Variants in GSE1 observed in about 807,000 individuals in gnomAD.
The protein encoded by GSE1 is Gse1 coiled-coil protein, also known as genetic suppressor element 1.
GSE1 carries 32 observed loss-of-function variants against 112.6 expected under a neutral mutation model. The observed-to-expected ratio is 0.28, with a 90% CI of 0.21 to 0.38. GSE1 has a LOEUF of 0.38. GSE1 is among the 10% of genes least tolerant of loss of function. GSE1 has a pLI of 1.00. For missense variants in GSE1, 2,348 were observed against 1,699.2 expected, an observed-to-expected ratio of 1.38 and a Z score of -6.71; for synonymous variants, 1,115 against 735.6, an observed-to-expected ratio of 1.52 and a Z score of -8.35.
Position 85,655,009 on chromosome 16 carries a change from C to A in GSE1, c.797+18C>A, listed in dbSNP as rs375468728. The A allele has an allele frequency of 1.3e-6, 2 of 1,485,752 alleles. No individual in the cohort carries two copies. Among genetic ancestry groups the A allele is most frequent in the Non-Finnish European group, 1.8e-6 (2 of 1,083,330 alleles). 92.0% of individuals were successfully genotyped at this position (1,485,752 alleles called of 1,614,324 possible). ...GCCTTCAGGTGAGGCATCCCCCACG[C>A]GCCCTCTCGTCTAGGTGCTGGCCTG... On this transcript the variant is annotated intron_variant, in intron 5 of 15. Transcript: ENST00000253458.
rs566735197 is a variant in GSE1 at position 85,233,889 on chromosome 16, C to G, written c.2283+62082C>G. Reference sequence around the variant, plus strand: ...TGGAGCCGACACAGGTTTGTTCTGTCCCAGGGCCCTCCTACCCCTGCCCCC... The same window carrying G: ...TGGAGCCGACACAGGTTTGTTCTGTGCCAGGGCCCTCCTACCCCTGCCCCC... On this transcript the variant is annotated intron_variant, in intron 1 of 2. Transcript: ENST00000637419. Among the ~76,000 whole-genome samples the G allele has an allele frequency of 8.5e-5, 13 of 152,108 alleles. No individual in the cohort carries two copies. In the South Asian group the frequency reaches 2.7e-3, roughly 32 times the overall value.
At chr16:85,555,287 C>T (rs907629165), upstream of GSE1, 1 of 985,268 alleles carries the variant, frequency 1.0e-6, no homozygotes, top group Non-Finnish European at 1.2e-6. Flanking sequence ...CTCCTCCTGC[C>T]TCCTTCTGCC....
intron 8 of GSE1, among the ~76,000 whole-genome samples, chr16:85,658,653 A>G (rs2052174163): frequency 6.6e-6 from 1 of 152,164 alleles, no homozygotes. Context: ...ACTGCCCGGC[A>G]CGGCCGAAGT....
rs114737439 is a variant in GSE1 at position 85,189,886 on chromosome 16, G to C, written c.2283+18079G>C. 4.9e-3 allele frequency among the ~76,000 whole-genome samples: 744 copies of C among 152,084 alleles called. 2 individuals are homozygous for C. The highest frequency in any genetic ancestry group is 0.017 in the African/African-American group (703 of 41,474). On this transcript the variant is annotated intron_variant, in intron 1 of 2. Transcript: ENST00000637419. The stretch of plus-strand genomic sequence containing the variant: ...GTCCCCCCTTTCATTCCTGATATTG[G>C]TGCCTACTCTTTTCTTAACCAGTAT...
chr16:85,515,165 C>T (rs2051885625), intron 2 of GSE1, among the ~76,000 whole-genome samples: 1 of 152,140 alleles, frequency 6.6e-6, no homozygotes, highest in Admixed American at 6.5e-5. Context: ...GACAAACAAG[C>T]CCTGATGTTT....
At chr16:85,203,931 G>T (rs1020208972) in intron 1 of GSE1, among the ~76,000 whole-genome samples, 1 of 152,070 alleles carries the variant, frequency 6.6e-6, no homozygotes, top group African/African-American at 2.4e-5. Context: ...TAGAGATGGG[G>T]TCTCACTTTT....
intron 2 of GSE1, among the ~76,000 whole-genome samples, chr16:85,413,923 C>T (rs1279559061): frequency 2.0e-5 from 3 of 152,148 alleles, no homozygotes; most frequent in African/African-American, 7.2e-5. Context: ...CAGGCCCTTC[C>T]CCCTTTGCTC....
rs75086630 is a variant in GSE1 at position 85,409,164 on chromosome 16, C to T, written c.2464+51521C>T. Among the ~76,000 whole-genome samples the T allele has an allele frequency of 2.8e-3, 51 of 18,142 alleles. 7 individuals carry two copies. Among genetic ancestry groups the T allele is most frequent in the South Asian group, 0.023 (6 of 256 alleles). 11.9% of individuals were successfully genotyped at this position (18,142 alleles called of 152,430 possible). Reference sequence around the variant, plus strand: ...CAGGGCCCCCCTGGATAATCCTCACCGTTACTCTCAGGCGCCCCGGATAAT... The same window carrying T: ...CAGGGCCCCCCTGGATAATCCTCACTGTTACTCTCAGGCGCCCCGGATAAT... On this transcript the variant is annotated intron_variant, in intron 2 of 2. Coordinates refer to the GSE1 transcript ENST00000637419.
intron 1 of GSE1, among the ~76,000 whole-genome samples, chr16:85,217,028 A>G (rs564585149): frequency 1.3e-5 from 2 of 152,350 alleles, no homozygotes; most frequent in East Asian, 3.9e-4. Context: ...AGGGCCGTAG[A>G]GGCGAGTGGC....
Position 85,213,308 on chromosome 16 carries a change from T to C in GSE1, c.2283+41501T>C, listed in dbSNP as rs556546984. ...AGAAAAAGAAAAAGTTAGCCAGGCA[T>C]GTTGGCATGCGTCTGCATTCCCAGC... On this transcript the variant is annotated intron_variant, in intron 1 of 2. Transcript: ENST00000637419. Among the ~76,000 whole-genome samples, 7 of 150,384 alleles carry C rather than the reference T, an allele frequency of 4.7e-5. No homozygotes were observed. In the South Asian group the frequency reaches 1.5e-3, roughly 32 times the overall value.
chr16:85,404,368 CCT>C (rs1377159805), intron 2 of GSE1, among the ~76,000 whole-genome samples: 2 of 53,324 alleles, frequency 3.8e-5, no homozygotes, highest in Admixed American at 1.4e-4. Context: ...TCAGGGCCCC[CCT>C]GGATAATCCT....
upstream of GSE1, among the ~76,000 whole-genome samples, chr16:85,608,517 T>C (rs539711108): frequency 2.0e-5 from 3 of 151,128 alleles, no homozygotes; most frequent in African/African-American, 7.3e-5. Flanking sequence ...CTGAAACCGC[T>C]TGAGACCTGT....
intron 2 of GSE1, among the ~76,000 whole-genome samples, chr16:85,475,771 TTTTTC>T (rs2050432684): frequency 5.1e-5 from 1 of 19,666 alleles, no homozygotes; most frequent in African/African-American, 9.6e-5. Context: ...CTTCTAATTG[TTTTTC>T]TTTTTTTTTT....
At chr16:85,466,685 AAGAAAT>A in intron 2 of GSE1, among the ~76,000 whole-genome samples, 1 of 148,068 alleles carries the variant, frequency 6.8e-6, no homozygotes, top group East Asian at 2.1e-4. Context: ...TAAAAAAAAA[AAGAAAT>A]ATATATATAT....
chr16:85,648,783 C>G (rs1471219545), intron 3 of GSE1, 32 bp downstream of exon 3: 1 of 1,344,256 alleles, frequency 7.4e-7, no homozygotes. Context: ...GCCTAGCGTC[C>G]TCTAAGTGGG....
intron 2 of GSE1, among the ~76,000 whole-genome samples, chr16:85,364,921 C>G (rs575412108): frequency 6.6e-6 from 1 of 152,256 alleles, no homozygotes; most frequent in Non-Finnish European, 1.5e-5. Flanking sequence ...TGCCCAGGCA[C>G]TTCCCACTTC....
At chr16:85,351,870 G>A (rs113766729) in intron 1 of GSE1, among the ~76,000 whole-genome samples, 3,279 of 152,066 alleles carry the variant, frequency 0.022, 107 homozygotes, top group African/African-American at 0.075. Flanking sequence ...GCCACCTGTA[G>A]TCCCAGCTAC....
At position 85,372,464 on chromosome 16, in the gene GSE1, T is replaced by C. The variant is rs547892677; in HGVS notation, c.2464+14821T>C. 1.6e-3 allele frequency among the ~76,000 whole-genome samples: 186 copies of C among 118,248 alleles called. 2 individuals carry two copies. Among genetic ancestry groups the C allele is most frequent in the African/African-American group, 5.9e-3 (175 of 29,628 alleles). 77.6% of individuals were successfully genotyped at this position (118,248 alleles called of 152,430 possible). A position where few individuals can be genotyped will look rare whatever the true frequency, so the allele number is the denominator to read the frequency against. ...CACTGCACTCCAACCTGGGTGACAG[T>C]GAAACTCTGGACTCTGTCTCACAAA... On this transcript the variant is annotated intron_variant, in intron 2 of 2. Coordinates refer to the GSE1 transcript ENST00000637419.
chr16:85,308,826 A>G (rs1597357658), intron 1 of GSE1, among the ~76,000 whole-genome samples: 2 of 148,954 alleles, frequency 1.3e-5, no homozygotes, highest in Non-Finnish European at 3.0e-5. Flanking sequence ...CTCAGATCCA[A>G]TTTTGCCACT....
Sources: gnomAD v4.1 joint callset for allele counts (sites outside exome capture counted in the v4.1 genomes callset) on GRCh38, gnomAD v4.1.1 for gene constraint, MANE v1.5 for transcripts, NCBI Gene and HGNC (gene_info 2026-07-23, HGNC 2026-07-21) for gene names.